ZBTB7C: variants seen among roughly 807,000 people sequenced by gnomAD.
ZBTB7C encodes zinc finger and BTB domain containing 7C, also known as zinc finger and BTB domain-containing protein 7C.
In ZBTB7C, 8 loss-of-function variants were observed where a neutral mutation model predicts 25.7. That is an observed-to-expected ratio of 0.31 (90% CI 0.18 to 0.56). The LOEUF (loss-of-function observed/expected upper bound fraction) is 0.56, where lower values mean the gene tolerates loss of function less well. Ranked by LOEUF, ZBTB7C falls within the 20% of genes least tolerant of loss-of-function variation. ZBTB7C has a pLI of 0.91. For missense variants in ZBTB7C, 824 were observed against 855.2 expected (o/e 0.96, Z 0.46); for synonymous variants, 394 against 369.0 (o/e 1.07, Z -0.78).
chr18:48,400,305 G>A (rs1186505626), intron 1 of ZBTB7C, among the ~76,000 whole-genome samples: 3 of 152,278 alleles, frequency 2.0e-5, no homozygotes, highest in Admixed American at 2.0e-4. Flanking sequence ...CTCGAACTTG[G>A]GAAGGGACTA....
intron 1 of ZBTB7C, among the ~76,000 whole-genome samples, chr18:48,389,461 A>ATT (rs138527928): frequency 0.031 from 2,980 of 97,574 alleles, 305 homozygotes; most frequent in African/African-American, 0.11. Flanking sequence ...TGACTCTTGG[A>ATT]TTTTTTTTTT....
chr18:48,086,388 A>G (rs2038192155), intron 3 of ZBTB7C, among the ~76,000 whole-genome samples: 1 of 152,188 alleles, frequency 6.6e-6, no homozygotes, highest in African/African-American at 2.4e-5. Context: ...TTGAAACTGA[A>G]TTTCAGAAGG....
chr18:48,279,987 T>G (rs1362291246), intron 2 of ZBTB7C, among the ~76,000 whole-genome samples: 1 of 152,192 alleles, frequency 6.6e-6, no homozygotes, highest in Non-Finnish European at 1.5e-5. Flanking sequence ...ATATTCATCA[T>G]TCCACAAATT....
chr18:48,154,402 C>T (rs1468855893), intron 3 of ZBTB7C, among the ~76,000 whole-genome samples: 1 of 152,170 alleles, frequency 6.6e-6, no homozygotes, highest in Non-Finnish European at 1.5e-5. Context: ...AAGGCCCGAG[C>T]TGTAACCAGG....
intron 2 of ZBTB7C, among the ~76,000 whole-genome samples, chr18:48,202,069 G>C: frequency 6.6e-6 from 1 of 152,250 alleles, no homozygotes; most frequent in East Asian, 1.9e-4. Flanking sequence ...TCAGCGGAGA[G>C]CTGAGTGTTG....
intron 3 of ZBTB7C, among the ~76,000 whole-genome samples, chr18:48,120,244 G>C (rs1338131997): frequency 7.9e-5 from 12 of 152,190 alleles, no homozygotes; most frequent in Non-Finnish European, 1.5e-5. Context: ...AACTGTGTGG[G>C]AAGGCTCCGA....
intron 3 of ZBTB7C, among the ~76,000 whole-genome samples, chr18:48,166,745 G>C (rs954416708): frequency 3.3e-5 from 5 of 152,220 alleles, no homozygotes; most frequent in Non-Finnish European, 7.3e-5. Context: ...CAGGCAGCCA[G>C]GGGCGAGCCG....
chr18:48,254,314 T>C (rs915889055), intron 2 of ZBTB7C, among the ~76,000 whole-genome samples: 1 of 152,206 alleles, frequency 6.6e-6, no homozygotes, highest in Non-Finnish European at 1.5e-5. Flanking sequence ...GCCAGCCACG[T>C]GTACAGTAAG....
At chr18:48,171,572 T>C (rs891577937) in intron 3 of ZBTB7C, among the ~76,000 whole-genome samples, 2 of 152,248 alleles carry the variant, frequency 1.3e-5, no homozygotes, top group African/African-American at 4.8e-5. Context: ...GCAAGGATGC[T>C]GTACCCATTC....
intron 2 of ZBTB7C, among the ~76,000 whole-genome samples, chr18:48,235,811 G>C (rs190999159): frequency 1.3e-5 from 2 of 152,136 alleles, no homozygotes; most frequent in East Asian, 3.9e-4. Context: ...TTCCAGTTTT[G>C]TTGTCCTTTG....
At chr18:48,395,460 AAT>A (rs1491230066) in intron 1 of ZBTB7C, among the ~76,000 whole-genome samples, 2 of 55,372 alleles carry the variant, frequency 3.6e-5, no homozygotes, top group Admixed American at 3.7e-4. Flanking sequence ...GTTCTATTCA[AAT>A]GTGTGTGTGT....
chr18:48,231,917 G>A (rs530420184), intron 2 of ZBTB7C, among the ~76,000 whole-genome samples: 10 of 152,340 alleles, frequency 6.6e-5, no homozygotes, highest in Admixed American at 3.3e-4. Context: ...CTTGCAGGGA[G>A]CTGGTACCTG....
rs959103198 is a variant in ZBTB7C at position 48,028,422 on chromosome 18, G to T, written c.*838C>A. ...GATGACCTGATCTCTGTCTAGTCTG[G>T]CCATATTTCTCACCTATGCTAATAT... On this transcript the variant is annotated 3_prime_UTR_variant, in exon 5 of 5. Coordinates refer to ENST00000590800, the MANE Select transcript of ZBTB7C (RefSeq NM_001318841.2). 1 of 152,192 alleles carries T rather than the reference G, an allele frequency of 6.6e-6. No individual in the cohort carries two copies. Among genetic ancestry groups the T allele is most frequent in the African/African-American group, 2.4e-5 (1 of 41,436 alleles). The allele number at this position is 152,192 out of a possible 1,614,324, so 9.4% of individuals were successfully genotyped here.
intron 3 of ZBTB7C, among the ~76,000 whole-genome samples, chr18:48,158,923 C>A (rs1400747615): frequency 6.6e-6 from 1 of 152,292 alleles, no homozygotes; most frequent in South Asian, 2.1e-4. Context: ...AGGCAAATTC[C>A]TGGGCCTCCC....
intron 1 of ZBTB7C, among the ~76,000 whole-genome samples, chr18:48,363,800 C>T (rs1200286367): frequency 1.3e-5 from 2 of 152,104 alleles, no homozygotes; most frequent in African/African-American, 4.8e-5. Context: ...GGGCAACCTG[C>T]CCTTCTGCCA....
chr18:48,296,111 G>A (rs2045381653), intron 2 of ZBTB7C, among the ~76,000 whole-genome samples: 1 of 152,144 alleles, frequency 6.6e-6, no homozygotes, highest in African/African-American at 2.4e-5. Flanking sequence ...CCGTGGCCTG[G>A]GCCTCACCAA....
chr18:48,142,259 A>C (rs1164647107), intron 3 of ZBTB7C, among the ~76,000 whole-genome samples: 3 of 152,210 alleles, frequency 2.0e-5, no homozygotes, highest in Non-Finnish European at 4.4e-5. Context: ...CCTGTCCTGC[A>C]GGGGCTGGAA....
chr18:48,213,076 C>A (rs1014473404), intron 2 of ZBTB7C, among the ~76,000 whole-genome samples: 3 of 151,690 alleles, frequency 2.0e-5, no homozygotes, highest in Admixed American at 1.3e-4. Context: ...TCGCCTGGCT[C>A]CTGGTTTCAG....
chr18:48,280,553 C>T (rs1308104642), intron 2 of ZBTB7C, among the ~76,000 whole-genome samples: 1 of 152,194 alleles, frequency 6.6e-6, no homozygotes, highest in African/African-American at 2.4e-5. Flanking sequence ...CACAGAGGAA[C>T]CCCTAAATCC....
Sources: allele counts gnomAD v4.1 joint callset (sites outside exome capture counted in the v4.1 genomes callset), GRCh38; gene constraint gnomAD v4.1.1; transcripts MANE v1.5; gene names NCBI Gene and HGNC (gene_info 2026-07-23, HGNC 2026-07-21).